The following TONSL variants were observed in gnomAD, a reference collection of about 807,000 sequenced individuals.
TONSL encodes the protein tonsoku like, DNA repair protein.
Under a neutral mutation model 147.1 loss-of-function variants are expected in TONSL, and 112 were observed. The observed-to-expected ratio is 0.76, with a 90% CI of 0.65 to 0.89. The LOEUF (loss-of-function observed/expected upper bound fraction) is 0.89, where lower values mean the gene tolerates loss of function less well. Among genes scored for constraint, TONSL ranks in the 40% least tolerant of loss-of-function variants. The pLI is 0.00. For synonymous variants in TONSL, 868 were observed against 801.5 expected, an observed-to-expected ratio of 1.08 and a Z score of -1.40; for missense variants, 1,883 against 1,864.6, an observed-to-expected ratio of 1.01 and a Z score of -0.18.
chr8:144,444,023 G>C lies in TONSL; in HGVS notation c.123C>G (p.Gly41=), dbSNP rs1823815250. 4 of 1,535,336 alleles carry C rather than the reference G, an allele frequency of 2.6e-6. No homozygotes were observed. In the East Asian group the frequency reaches 9.8e-5, roughly 38 times the overall value. ...GCTGCTCCAGAGCCTCGGCGTAGCG[G>C]CCTAGGCGGGGGCACAGCACGGCCT... The part of the protein sequence containing the change: ...HQLGELLAGH[G]RYAEALEQHW... The change falls in exon 3 of 26, where the codon GGC becomes GGG. Residue 41 remains glycine, a splice_region_variant and synonymous_variant. Coordinates refer to ENST00000409379, the MANE Select transcript of TONSL (RefSeq NM_013432.5).
Position 144,435,701 on chromosome 8 carries a change from A to G in TONSL, c.2732T>C (p.Val911Ala). Reference protein sequence around the residue: ...EPPGSPSTPRVSEPSGDSSAA... With the variant: ...EPPGSPSTPRASEPSGDSSAA... ...AGAGCTGTCCCCACTGGGCTCTGAG[A>G]CCCTGGGGGTGCTGGGGCTCCCTGG... Residue 911 changes from valine (V) to alanine (A), a missense_variant, in exon 17 of 26, where the codon GTC (valine) becomes GCC (alanine). By Grantham distance (64) the Val-to-Ala change is moderately conservative. Coordinates refer to ENST00000409379, the MANE Select transcript of TONSL (RefSeq NM_013432.5). The G allele has an allele frequency of 6.2e-7, 1 of 1,610,952 alleles. No individual in the cohort carries two copies. Among genetic ancestry groups the G allele is most frequent in the Non-Finnish European group, 8.5e-7 (1 of 1,178,572 alleles).
chr8:144,439,863 C>T (rs1823634614), intron 11 of TONSL, 158 bp downstream of exon 11: 2 of 570,786 alleles, frequency 3.5e-6, no homozygotes, highest in Non-Finnish European at 6.1e-6. Flanking sequence ...TGCGGGTCAC[C>T]ACCTTCTCTG....
intron 25 of TONSL, among the ~76,000 whole-genome samples, chr8:144,429,809 G>T (rs1554878245): frequency 6.6e-6 from 1 of 152,176 alleles, no homozygotes; most frequent in Admixed American, 6.5e-5. Flanking sequence ...AGGTGAAGGG[G>T]AGGGGGCACA....
rs753811660 is a variant in TONSL at position 144,440,404 on chromosome 8, A to G, written c.1237T>C (p.Cys413Arg). The change falls in exon 10 of 26, where the codon TGC becomes CGC. Residue 413 changes from cysteine to arginine, a missense_variant. Physicochemically the swap from Cys to Arg is radical, Grantham distance 180. Transcript: ENST00000409379. ...AGDAYELLAP[C>R]FQKALSCAQQ... The stretch of plus-strand genomic sequence containing the variant: ...GCACAGCTGAGCGCTTTCTGGAAGC[A>G]CGGGGCCAGCAGCTCGTAGGCATCG... The G allele has an allele frequency of 6.2e-7, 1 of 1,608,214 alleles. No individual in the cohort carries two copies. Among genetic ancestry groups the G allele is most frequent in the Non-Finnish European group, 8.5e-7 (1 of 1,176,872 alleles).
At chr8:144,432,574 G>T in intron 22 of TONSL, 114 bp from the exon 23 acceptor site, 1 of 1,128,968 alleles carries the variant, frequency 8.9e-7, no homozygotes, top group Non-Finnish European at 1.2e-6. Flanking sequence ...CGCAGTGCTC[G>T]CAGGGTGGGG....
rs750120871 is a variant in TONSL, at chr8:144,437,037, G to A, written c.1716C>T (p.Tyr572=). 33 of 1,613,208 alleles carry A rather than the reference G, an allele frequency of 2.0e-5. No homozygotes were observed. Among genetic ancestry groups the A allele is most frequent in the Middle Eastern group, 1.6e-4 (1 of 6,084 alleles). ...CTGTCCCTTGCTCACCTAGATGCCCGTAGTTGCAGGCCTCGTGCAGAGGTG... is the reference window on the plus strand; with the variant it reads ...CTGTCCCTTGCTCACCTAGATGCCCATAGTTGCAGGCCTCGTGCAGAGGTG... ...GWTPLHEACN[Y]GHLEIVRFLL... Residue 572 remains tyrosine, a synonymous_variant, in exon 14 of 26, where the codon TAC becomes TAT. Transcript: ENST00000409379.
chr8:144,435,855 T>TGGGC lies in TONSL; in HGVS notation c.2574_2577dup (p.Ser860AlafsTer3). 1 of 1,609,844 alleles carries TGGGC rather than the reference T, an allele frequency of 6.2e-7. No individual in the cohort carries two copies. The highest frequency in any genetic ancestry group is 8.5e-7 in the Non-Finnish European group (1 of 1,177,556). On this transcript the variant is annotated frameshift_variant, in exon 17 of 26. Coordinates refer to ENST00000409379, the MANE Select transcript of TONSL (RefSeq NM_013432.5). LOFTEE classifies it high-confidence loss of function. Reference sequence around the variant, plus strand: ...TCACTGTCCGACCCAGAGGTACTACTGGGCCTGCGGTTGTCTCCAGTGCCC... The same window carrying TGGGC: ...TCACTGTCCGACCCAGAGGTACTACTGGGCGGGCCTGCGGTTGTCTCCAGTGCCC...
rs1823827726 is a variant in TONSL, at chr8:144,444,278, G to A, written c.26-3C>T. ...CTTGGCTTTCGCCTTGCTCAGCTCTGTGGGAGGAAGAGGAGGGCTGGGCCT... is the reference window on the plus strand; with the variant it reads ...CTTGGCTTTCGCCTTGCTCAGCTCTATGGGAGGAAGAGGAGGGCTGGGCCT... On this transcript the variant is annotated splice_polypyrimidine_tract_variant and splice_region_variant and intron_variant, in intron 1 of 25. Transcript: ENST00000409379. The A allele has an allele frequency of 7.7e-6, 11 of 1,423,764 alleles. No individual in the cohort carries two copies. In the Admixed American group the frequency reaches 1.3e-4, roughly 17 times the overall value. The allele number at this position is 1,423,764 out of a possible 1,614,324, so 88.2% of individuals were successfully genotyped here.
At chr8:144,442,501 C>G (rs2129695609) in intron 5 of TONSL, 89 bp from the exon 6 acceptor site, 1 of 1,488,152 alleles carries the variant, frequency 6.7e-7, no homozygotes, top group East Asian at 2.3e-5. Context: ...ATGCTGTGGT[C>G]TCAGGGCCCT....
Position 144,433,714 on chromosome 8 carries a change from A to T in TONSL, c.3433T>A (p.Cys1145Ser). The change falls in exon 22 of 26, where the codon TGT (cysteine) becomes AGT (serine). Residue 1145 changes from cysteine to serine, a missense_variant. Cys to Ser is a moderately radical substitution (Grantham distance 112). Coordinates refer to ENST00000409379, the MANE Select transcript of TONSL (RefSeq NM_013432.5). Reference protein sequence around the residue: ...DLSMNPLGDGCGQSLASLLHA... With the variant: ...DLSMNPLGDGSGQSLASLLHA... ...AGGAGGGAGGCCAGGGACTGGCCAC[A>T]GCCGTCCCCCAGGGGGTTCATGCTT... 6.2e-7 allele frequency: 1 copy of T among 1,608,052 alleles called. No individual in the cohort carries two copies.
At chr8:144,431,209 C>T in intron 23 of TONSL, 58 bp from the exon 24 acceptor site, 1 of 1,569,242 alleles carries the variant, frequency 6.4e-7, no homozygotes, top group Non-Finnish European at 8.8e-7. Flanking sequence ...GCCCTGCCTG[C>T]TTCCCAGCAG....
Position 144,443,299 on chromosome 8 carries a change from A to T in TONSL, c.287T>A (p.Leu96Gln), listed in dbSNP as rs1823788969. ...CGTGTGGTTGCGCAGGGAATGTGCC[A>T]GCTCCAGGTACTGGTGCTGGTGCTG... ...ALQHQHQYLE[L>Q]AHSLRNHTEL... Residue 96 changes from leucine (L) to glutamine (Q), a missense_variant, in exon 4 of 26, where the codon CTG becomes CAG. Coordinates refer to ENST00000409379, the MANE Select transcript of TONSL (RefSeq NM_013432.5). The T allele has an allele frequency of 1.3e-6, 2 of 1,550,328 alleles. No individual in the cohort carries two copies. The highest frequency in any genetic ancestry group is 2.0e-5 in the Admixed American group (1 of 50,980).
chr8:144,442,510 C>T lies in TONSL; in HGVS notation c.579-98G>A, dbSNP rs1307131604. 9 of 1,484,078 alleles carry T rather than the reference C, an allele frequency of 6.1e-6. No individual in the cohort carries two copies. In the East Asian group the frequency reaches 1.6e-4, roughly 26 times the overall value. The allele number at this position is 1,484,078 out of a possible 1,614,324, so 91.9% of individuals were successfully genotyped here. A position where few individuals can be genotyped will look rare whatever the true frequency, so the allele number is the denominator to read the frequency against. ...CCTGCCATGCTGTGGTCTCAGGGCC[C>T]TAACCATGCCTGGCCTTCTCCCAGT... On this transcript the variant is annotated intron_variant, in intron 5 of 25. Coordinates refer to ENST00000409379, the MANE Select transcript of TONSL (RefSeq NM_013432.5).
intron 7 of TONSL, chr8:144,441,696 C>T (rs6988314): frequency 0.012 from 3,403 of 290,148 alleles, 39 homozygotes; most frequent in Non-Finnish European, 0.015. Context: ...CTGGACCACG[C>T]GTGCCATCTC....
In TONSL at chr8:144,438,727, TGTC is replaced by T. The variant is rs778043482; in HGVS notation, c.1486_1488del (p.Asp496del). On this transcript the variant is annotated inframe_deletion, in exon 12 of 26. Transcript: ENST00000409379. ...TCCAGCTGCGGGGTCAGGCCATCGG[TGTC>T]GTCCTCTGGAACAGAGCCAAGCCCA... 20 of 1,612,782 alleles carry T rather than the reference TGTC, an allele frequency of 1.2e-5. No homozygotes were observed. Among genetic ancestry groups the T allele is most frequent in the South Asian group, 3.3e-5 (3 of 91,064 alleles).
Position 144,435,458 on chromosome 8 carries a change from G to C in TONSL, c.2852+16C>G. The C allele has an allele frequency of 6.5e-7, 1 of 1,530,044 alleles. No individual in the cohort carries two copies. Among genetic ancestry groups the C allele is most frequent in the South Asian group, 1.2e-5 (1 of 82,068 alleles). The allele number at this position is 1,530,044 out of a possible 1,614,324, so 94.8% of individuals were successfully genotyped here. The stretch of plus-strand genomic sequence containing the variant: ...CTGCACAGGTGGGCTGCGGGGTAGG[G>C]CAGGCGATGCCTCACCTGTGTGGGA... On this transcript the variant is annotated intron_variant, in intron 18 of 25. Transcript: ENST00000409379.
chr8:144,442,266 C>G lies in TONSL; in HGVS notation c.725G>C (p.Ser242Thr). 3 of 1,592,940 alleles carry G rather than the reference C, an allele frequency of 1.9e-6. No individual in the cohort carries two copies. Among genetic ancestry groups the G allele is most frequent in the Non-Finnish European group, 2.6e-6 (3 of 1,165,638 alleles). Residue 242 changes from serine to threonine, a missense_variant, in exon 6 of 26, where the codon AGC (serine) becomes ACC (threonine). Coordinates refer to ENST00000409379, the MANE Select transcript of TONSL (RefSeq NM_013432.5). ...AHTMRKRFME[S>T]ECCVVIAQVL... ...CTGTGCAATAACCACGCAGCACTCG[C>G]TCTCCATGAACCGCTTCCTCATGGT...
At chr8:144,442,833 G>A (rs1448130031) in intron 4 of TONSL, 27 bp from the exon 5 acceptor site, 1 of 1,599,720 alleles carries the variant, frequency 6.3e-7, no homozygotes, top group Non-Finnish European at 8.5e-7. Flanking sequence ...CAAACACTCA[G>A]CCACTTCCTC....
rs951258213 is a variant in TONSL at position 144,441,204 on chromosome 8, C to G, written c.866-93G>C. ...GCTGTGAGCCCTGTGGTGGCCCCCC[C>G]ACTCTCTCCACACCTCTGCCTGCCT... On this transcript the variant is annotated intron_variant, in intron 7 of 25. Transcript: ENST00000409379. The G allele has an allele frequency of 1.7e-5, 26 of 1,508,226 alleles. 1 individual carries two copies. Among genetic ancestry groups the G allele is most frequent in the South Asian group, 4.9e-5 (4 of 81,422 alleles). 93.4% of individuals were successfully genotyped at this position (1,508,226 alleles called of 1,614,324 possible).
Sources: allele counts gnomAD v4.1 joint callset (sites outside exome capture counted in the v4.1 genomes callset), GRCh38; gene constraint gnomAD v4.1.1; transcripts MANE v1.5; gene names NCBI Gene and HGNC (gene_info 2026-07-23, HGNC 2026-07-21).